The following PTPRT variants were observed in gnomAD, a reference collection of about 807,000 sequenced individuals.
The protein encoded by PTPRT is protein tyrosine phosphatase receptor type T.
Under a neutral mutation model 176.8 loss-of-function variants are expected in PTPRT, and 56 were observed. That is an observed-to-expected ratio of 0.32 (90% CI 0.26 to 0.40). The LOEUF is 0.40. PTPRT is among the 10% of genes least tolerant of loss of function. The pLI, the probability that PTPRT is intolerant of heterozygous loss-of-function variation, is 1.00. For synonymous variants in PTPRT, 783 were observed against 739.0 expected, an observed-to-expected ratio of 1.06 and a Z score of -0.96; for missense variants, 1,540 against 1,908.2, an observed-to-expected ratio of 0.81 and a Z score of 3.60.
intron 7 of PTPRT, among the ~76,000 whole-genome samples, chr20:42,634,164 G>C (rs1288642704): frequency 3.5e-5 from 4 of 112,864 alleles, no homozygotes; most frequent in South Asian, 5.1e-4. Context: ...ATGGTTTGAT[G>C]GGTTACTTGA....
At chr20:42,431,154 A>C (rs915412855) in intron 9 of PTPRT, among the ~76,000 whole-genome samples, 3 of 152,192 alleles carry the variant, frequency 2.0e-5, no homozygotes, top group Non-Finnish European at 4.4e-5. Flanking sequence ...ATATTCCTGA[A>C]TTGTAGGCTT....
chr20:42,248,872 G>A (rs771350712), intron 13 of PTPRT, 50 bp from the exon 14 acceptor site: 8 of 1,597,850 alleles, frequency 5.0e-6, no homozygotes, highest in Middle Eastern at 1.7e-4. Context: ...CCAAACATGC[G>A]ACTAGACAAT....
At chr20:42,375,706 TATAG>T (rs10580822) in intron 9 of PTPRT, among the ~76,000 whole-genome samples, 2,963 of 152,100 alleles carry the variant, frequency 0.019, 99 homozygotes, top group African/African-American at 0.069. Context: ...ATAAATGAGA[TATAG>T]ATAGATGGAT....
intron 7 of PTPRT, among the ~76,000 whole-genome samples, chr20:42,522,685 C>A (rs2072197511): frequency 6.6e-6 from 1 of 152,142 alleles, no homozygotes; most frequent in Non-Finnish European, 1.5e-5. Flanking sequence ...TGGTCTCAAA[C>A]CCTGACCTCA....
At chr20:42,195,473 T>C (rs1002686632) in intron 16 of PTPRT, among the ~76,000 whole-genome samples, 3 of 151,638 alleles carry the variant, frequency 2.0e-5, no homozygotes, top group Non-Finnish European at 4.4e-5. Context: ...TAAGCATTAC[T>C]TACATTTTTC....
chr20:42,253,948 T>C (rs1396479015), intron 13 of PTPRT, among the ~76,000 whole-genome samples: 1 of 152,082 alleles, frequency 6.6e-6, no homozygotes, highest in Admixed American at 6.6e-5. Context: ...CAGCCCAGAG[T>C]CTTAATCTGG....
chr20:42,140,935 A>G (rs541584081), intron 18 of PTPRT, among the ~76,000 whole-genome samples: 2 of 152,280 alleles, frequency 1.3e-5, no homozygotes, highest in African/African-American at 4.8e-5. Context: ...ATCATTGTAA[A>G]GGGGAGGAAT....
chr20:42,393,996 A>C (rs1314292324), intron 9 of PTPRT, among the ~76,000 whole-genome samples: 8 of 152,212 alleles, frequency 5.3e-5, no homozygotes, highest in Non-Finnish European at 8.8e-5. Flanking sequence ...CAAAACAAAT[A>C]AGGAGGAAGG....
intron 1 of PTPRT, among the ~76,000 whole-genome samples, chr20:43,120,668 T>C (rs1424519542): frequency 1.3e-5 from 2 of 152,206 alleles, no homozygotes; most frequent in Non-Finnish European, 2.9e-5. Context: ...CACGTGTGTG[T>C]GTCCATAGAT....
rs751539083 is a variant in PTPRT at position 42,141,999 on chromosome 20, A to G, written c.2686T>C (p.Leu896=). The G allele has an allele frequency of 3.1e-6, 5 of 1,613,916 alleles. No individual in the cohort carries two copies. The highest frequency in any genetic ancestry group is 3.4e-6 in the Non-Finnish European group (4 of 1,179,856). The part of the protein sequence containing the change: ...GYGFKEEYEA[L]PEGQTASWDT... ...CACGAAGCTGTCTGCCCCTCTGGTA[A>G]GGCCTAAAAAGCAAGGACAGAGTGG... The change falls in exon 18 of 31, where the codon TTA becomes CTA. Residue 896 remains leucine, a synonymous_variant. Coordinates refer to ENST00000373187, the MANE Select transcript of PTPRT (RefSeq NM_007050.6).
At chr20:42,173,439 A>C (rs1990158998) in intron 16 of PTPRT, among the ~76,000 whole-genome samples, 1 of 152,152 alleles carries the variant, frequency 6.6e-6, no homozygotes. Context: ...TCTAGGTATA[A>C]TTTTGTTCAA....
intron 1 of PTPRT, among the ~76,000 whole-genome samples, chr20:43,132,788 T>C (rs1002468299): frequency 1.3e-5 from 2 of 152,086 alleles, no homozygotes; most frequent in African/African-American, 4.8e-5. Flanking sequence ...TTCAAATCTG[T>C]AAGGGGAATA....
intron 1 of PTPRT, among the ~76,000 whole-genome samples, chr20:43,024,632 G>C (rs1050562804): frequency 6.7e-6 from 1 of 150,260 alleles, no homozygotes; most frequent in Non-Finnish European, 1.5e-5. Context: ...CATGTGAATT[G>C]AATATGCAAC....
intron 9 of PTPRT, among the ~76,000 whole-genome samples, chr20:42,407,677 A>G (rs1283474738): frequency 5.3e-5 from 8 of 152,326 alleles, no homozygotes; most frequent in African/African-American, 1.9e-4. Context: ...CACTTAGTAA[A>G]GAAATGAGAT....
At chr20:42,085,683 C>T in intron 28 of PTPRT, 45 bp downstream of exon 28, 1 of 1,610,886 alleles carries the variant, frequency 6.2e-7, no homozygotes, top group Non-Finnish European at 8.5e-7. Flanking sequence ...CTCCATCTGT[C>T]TTGGGGAGGA....
chr20:42,481,892 A>G (rs993819312), intron 7 of PTPRT, among the ~76,000 whole-genome samples: 3 of 152,056 alleles, frequency 2.0e-5, no homozygotes, highest in Non-Finnish European at 4.4e-5. Context: ...TCTCTGAGGT[A>G]TGGGTTCTTG....
At chr20:42,755,429 C>T (rs2076817397) in intron 6 of PTPRT, among the ~76,000 whole-genome samples, 1 of 152,146 alleles carries the variant, frequency 6.6e-6, no homozygotes, top group African/African-American at 2.4e-5. Context: ...CACACCAGGT[C>T]TCATTCTACA....
At chr20:42,835,132 C>A (rs888613806) in intron 2 of PTPRT, among the ~76,000 whole-genome samples, 22 of 152,104 alleles carry the variant, frequency 1.4e-4, no homozygotes, top group African/African-American at 4.6e-4. Flanking sequence ...CTAAAGAGAA[C>A]ACAGGCGATA....
chr20:42,376,955 T>C (rs1008603990), intron 9 of PTPRT, among the ~76,000 whole-genome samples: 1 of 152,168 alleles, frequency 6.6e-6, no homozygotes, highest in African/African-American at 2.4e-5. Flanking sequence ...CGTTATCATA[T>C]TTCCCCTTTT....
Sources: gnomAD v4.1 joint callset for allele counts (sites outside exome capture counted in the v4.1 genomes callset) on GRCh38, gnomAD v4.1.1 for gene constraint, MANE v1.5 for transcripts, NCBI Gene and HGNC (gene_info 2026-07-23, HGNC 2026-07-21) for gene names.